LRRC7: variants seen among roughly 807,000 people sequenced by gnomAD.
LRRC7 encodes leucine-rich repeat-containing protein 7.
A neutral mutation model predicts 175.7 loss-of-function variants in LRRC7; 23 were observed. The ratio of observed to expected loss-of-function variants is 0.13; its 90% CI spans 0.09 to 0.19. The LOEUF (loss-of-function observed/expected upper bound fraction) is 0.19, where lower values mean the gene tolerates loss of function less well. Among genes scored for constraint, LRRC7 ranks in the 10% least tolerant of loss-of-function variants. The probability of loss-of-function intolerance (pLI) is 1.00; values close to 1 mark genes in which losing one functional copy is unlikely to be tolerated. For missense variants in LRRC7, 1,354 were observed against 1,904.7 expected, an observed-to-expected ratio of 0.71 and a Z score of 5.38; for synonymous variants, 685 against 680.9, an observed-to-expected ratio of 1.01 and a Z score of -0.09.
intron 10 of LRRC7, among the ~76,000 whole-genome samples, chr1:69,987,009 C>G (rs928142188): frequency 6.6e-6 from 1 of 152,088 alleles, no homozygotes; most frequent in African/African-American, 2.4e-5. Flanking sequence ...TATGGGAGGC[C>G]AAGGCGGGTG....
intron 7 of LRRC7, among the ~76,000 whole-genome samples, chr1:69,905,246 G>T (rs1047992839): frequency 5.2e-5 from 7 of 134,760 alleles, no homozygotes; most frequent in African/African-American, 1.7e-4. Flanking sequence ...TCTGTTGTAA[G>T]TTCTTTTTAT....
At chr1:69,790,477 G>A (rs568062964) in intron 3 of LRRC7, among the ~76,000 whole-genome samples, 1 of 152,064 alleles carries the variant, frequency 6.6e-6, no homozygotes, top group African/African-American at 2.4e-5. Flanking sequence ...CAAACAAATT[G>A]TGTTTTGAAG....
At chr1:70,020,524 G>T (rs962160512) in intron 15 of LRRC7, among the ~76,000 whole-genome samples, 1 of 152,012 alleles carries the variant, frequency 6.6e-6, no homozygotes, top group African/African-American at 2.4e-5. Flanking sequence ...TTTGTATAGA[G>T]TTTAGCAGTT....
rs184418506 is a variant in LRRC7 at position 69,718,895 on chromosome 1, C to T, written c.100+40417C>T. Among the ~76,000 whole-genome samples, 1,169 of 151,982 alleles carry T rather than the reference C, an allele frequency of 7.7e-3. 21 individuals are homozygous for T. Among genetic ancestry groups the T allele is most frequent in the African/African-American group, 0.027 (1,101 of 41,544 alleles). Reference sequence around the variant, plus strand: ...ATTAGTCAGTAATTGGGAGCCCCAACAGAGCTAATCCAACTTTCGATGCCA... The same window carrying T: ...ATTAGTCAGTAATTGGGAGCCCCAATAGAGCTAATCCAACTTTCGATGCCA... On this transcript the variant is annotated intron_variant, in intron 2 of 26. Coordinates refer to ENST00000651989, the MANE Select transcript of LRRC7 (RefSeq NM_001370785.2).
chr1:69,759,514 GT>G (rs1670803663), intron 2 of LRRC7, among the ~76,000 whole-genome samples: 1 of 152,052 alleles, frequency 6.6e-6, no homozygotes, highest in Admixed American at 6.6e-5. Flanking sequence ...ATTACAAGTT[GT>G]TTTATCCCAT....
chr1:69,608,171 T>C (rs1454434262), intron 1 of LRRC7: 1 of 152,454 alleles, frequency 6.6e-6, no homozygotes, highest in Non-Finnish European at 1.5e-5. Flanking sequence ...TATACAAGTG[T>C]CGGTGATTAT....
chr1:69,672,754 A>G (rs1449640525), intron 1 of LRRC7, among the ~76,000 whole-genome samples: 1 of 152,178 alleles, frequency 6.6e-6, no homozygotes, highest in East Asian at 1.9e-4. Flanking sequence ...CCACACTGCC[A>G]TCTCAGTCCA....
rs914226798 is a variant in LRRC7, at chr1:69,832,547, G to A, written c.501-2233G>A. Among the ~76,000 whole-genome samples the A allele has an allele frequency of 9.2e-5, 14 of 152,106 alleles. No homozygotes were observed. The East Asian group carries it at 1.7e-3, about 19-fold the overall frequency. Reference sequence around the variant, plus strand: ...AAACTTTTATTCCTAACTAATCAGCGAAATGATGATTATTACTATTTTATA... The same window carrying A: ...AAACTTTTATTCCTAACTAATCAGCAAAATGATGATTATTACTATTTTATA... On this transcript the variant is annotated intron_variant, in intron 5 of 26. Transcript: ENST00000651989.
intron 3 of LRRC7, among the ~76,000 whole-genome samples, chr1:69,788,569 G>A (rs1478847797): frequency 1.3e-5 from 2 of 152,166 alleles, no homozygotes; most frequent in African/African-American, 4.8e-5. Context: ...ATGTTGTCAA[G>A]CAAATATCTG....
At chr1:69,886,928 G>A (rs1158907553) in intron 7 of LRRC7, among the ~76,000 whole-genome samples, 4 of 152,138 alleles carry the variant, frequency 2.6e-5, no homozygotes, top group African/African-American at 9.6e-5. Context: ...TTTTCTTTAA[G>A]AATGTTGAAA....
chr1:69,817,660 G>A (rs1678757864), intron 4 of LRRC7, among the ~76,000 whole-genome samples: 1 of 151,894 alleles, frequency 6.6e-6, no homozygotes, highest in Non-Finnish European at 1.5e-5. Flanking sequence ...TTCTATTTCT[G>A]TAAAAAAAGT....
intron 23 of LRRC7, among the ~76,000 whole-genome samples, chr1:70,057,325 T>C (rs1661230717): frequency 6.6e-6 from 1 of 152,192 alleles, no homozygotes; most frequent in Non-Finnish European, 1.5e-5. Context: ...AAAATGGTCA[T>C]GGGAGTATTA....
chr1:69,804,275 T>C (rs187171637), intron 4 of LRRC7, among the ~76,000 whole-genome samples: 174 of 151,558 alleles, frequency 1.1e-3, no homozygotes, highest in African/African-American at 4.0e-3. Flanking sequence ...ATTCTTTTAT[T>C]ATTAGGTATA....
Position 69,938,327 on chromosome 1 carries a change from A to G in LRRC7, c.711+6757A>G, listed in dbSNP as rs568349829. ...TAAAACTGCTTTATAGAAAAGCTTT[A>G]AAAAAATTCTGCACTCTACAAATCA... is the stretch of plus-strand genomic sequence containing the variant. On this transcript the variant is annotated intron_variant, in intron 8 of 26. Coordinates refer to ENST00000651989, the MANE Select transcript of LRRC7 (RefSeq NM_001370785.2). Among the ~76,000 whole-genome samples the G allele has an allele frequency of 9.2e-5, 14 of 152,148 alleles. No individual in the cohort carries two copies. In the South Asian group the frequency reaches 2.9e-3, roughly 32 times the overall value.
In LRRC7 at chr1:69,792,179, C is replaced by A; in HGVS notation, c.421+19C>A. 3 of 1,319,704 alleles carry A rather than the reference C, an allele frequency of 2.3e-6. No homozygotes were observed. The highest frequency in any genetic ancestry group is 1.2e-5 in the South Asian group (1 of 80,004). The allele number at this position is 1,319,704 out of a possible 1,614,324, so 81.7% of individuals were successfully genotyped here. On this transcript the variant is annotated intron_variant, in intron 4 of 26. Transcript: ENST00000651989. ...AAAAATGGTAAGATTTTTCTCTCAT[C>A]ATAAAATACCTAGAATTTTTTAACT...
At chr1:70,088,595 A>G (rs182484362) in intron 24 of LRRC7, among the ~76,000 whole-genome samples, 21 of 152,228 alleles carry the variant, frequency 1.4e-4, no homozygotes, top group Non-Finnish European at 2.9e-4. Context: ...TAAAGTTACA[A>G]AGTGTTTTTT....
chr1:70,039,257 G>T lies in LRRC7; in HGVS notation c.3433G>T (p.Gly1145Trp), dbSNP rs1377041252. Residue 1145 changes from glycine to tryptophan, a missense_variant, in exon 21 of 27, where the codon GGG becomes TGG. Transcript: ENST00000651989. ...AVVNAQFASQ[G>W]ARAGFLRRAD... ...GGTGAATGCCCAGTTCGCAAGCCAA[G>T]GGGCCAGGGCGGGCTTCCTGAGAAG... is the stretch of plus-strand genomic sequence containing the variant. The T allele has an allele frequency of 1.2e-6, 2 of 1,613,970 alleles. No individual in the cohort carries two copies. The highest frequency in any genetic ancestry group is 3.3e-5 in the Admixed American group (2 of 60,004).
chr1:69,948,542 G>A (rs1649579166), intron 8 of LRRC7, among the ~76,000 whole-genome samples: 1 of 152,136 alleles, frequency 6.6e-6, no homozygotes, highest in Non-Finnish European at 1.5e-5. Flanking sequence ...GAGTGAGCAA[G>A]CAGATTTACA....
At chr1:69,591,836 T>C (rs1270433) in intron 1 of LRRC7, among the ~76,000 whole-genome samples, 151,483 of 152,114 alleles carry the variant, frequency 1, 75,430 homozygotes, top group Middle Eastern at 1. Context: ...CATCTGCAGA[T>C]GCTCTGTTCA....
Sources: allele counts gnomAD v4.1 joint callset (sites outside exome capture counted in the v4.1 genomes callset), GRCh38; gene constraint gnomAD v4.1.1; transcripts MANE v1.5; gene names NCBI Gene and HGNC (gene_info 2026-07-23, HGNC 2026-07-21).